MROH9: variants seen among roughly 807,000 people sequenced by gnomAD.
MROH9 encodes the protein maestro heat like repeat family member 9, also known as maestro heat-like repeat-containing protein family member 9.
MROH9 carries 92 observed loss-of-function variants against 98.2 expected under a neutral mutation model. The observed-to-expected ratio is 0.94, with a 90% CI of 0.79 to 1.11. The LOEUF is 1.11. MROH9 is among the 50% of genes most tolerant of loss of function. The pLI is 0.00. For missense variants in MROH9, 1,057 were observed against 1,014.8 expected (o/e 1.04, Z -0.57); for synonymous variants, 397 against 368.9 (o/e 1.08, Z -0.87).
chr1:171,028,831 A>G (rs916807114), intron 20 of MROH9, among the ~76,000 whole-genome samples: 3 of 152,162 alleles, frequency 2.0e-5, no homozygotes, highest in Non-Finnish European at 4.4e-5. Flanking sequence ...CTGTGTGTCT[A>G]TCATTGGTGT....
At chr1:170,986,106 C>T (rs16863903) in intron 9 of MROH9, among the ~76,000 whole-genome samples, 4,001 of 152,216 alleles carry the variant, frequency 0.026, 197 homozygotes, top group African/African-American at 0.091. Context: ...AGTTCTTGCA[C>T]CTTGATCATG....
intron 3 of MROH9, among the ~76,000 whole-genome samples, chr1:170,952,535 G>A (rs1011040125): frequency 4.4e-4 from 65 of 148,398 alleles, no homozygotes; most frequent in Middle Eastern, 3.5e-3. Context: ...TCACTCATAG[G>A]TGGGAATTGA....
chr1:170,971,641 G>A lies in MROH9; in HGVS notation c.481-107G>A, dbSNP rs571328719. ...GATTACAGATATTGTAAACTCTGAA[G>A]CTTATCTTAGAATCCTAGTCTGATT... On this transcript the variant is annotated intron_variant, in intron 7 of 21. Transcript: ENST00000367759. The A allele has an allele frequency of 6.2e-6, 8 of 1,287,006 alleles. No homozygotes were observed. The South Asian group carries it at 1.1e-4, about 18-fold the overall frequency. 79.7% of individuals were successfully genotyped at this position (1,287,006 alleles called of 1,614,324 possible). A position where few individuals can be genotyped will look rare whatever the true frequency, so the allele number is the denominator to read the frequency against.
At position 170,970,731 on chromosome 1, in the gene MROH9, T is replaced by TGAGAGAGAGA. The variant is rs1199063303; in HGVS notation, c.481-988_481-979dup. 4.6e-3 allele frequency among the ~76,000 whole-genome samples: 422 copies of TGAGAGAGAGA among 90,812 alleles called. 1 individual carries two copies. The highest frequency in any genetic ancestry group is 0.011 in the African/African-American group (260 of 23,132). 59.6% of individuals were successfully genotyped at this position (90,812 alleles called of 152,430 possible). The stretch of plus-strand genomic sequence containing the variant: ...GTGTGTGTGTGTGTGTGTGTGTGTG[T>TGAGAGAGAGA]GAGAGAGAGAGAGAGAGAGAGAGAG... On this transcript the variant is annotated intron_variant, in intron 7 of 21. Coordinates refer to ENST00000367759, the MANE Select transcript of MROH9 (RefSeq NM_001163629.2).
At position 170,992,254 on chromosome 1, in the gene MROH9, G is replaced by T. The variant is rs1651385276; in HGVS notation, c.1119G>T (p.Lys373Asn). The stretch of plus-strand genomic sequence containing the variant: ...CAATCTTATTGATACTGAAAGGAAA[G>T]CCTGGGGAAATGGAGGACACCGTAA... The part of the protein sequence containing the change: ...LKTILLILKG[K>N]PGEMEDTVTE... Residue 373 changes from lysine (K) to asparagine (N), a missense_variant, in exon 12 of 22, where the codon AAG becomes AAT. Physicochemically the swap from Lys to Asn is moderately conservative, Grantham distance 94 (BLOSUM62 0). Coordinates refer to ENST00000367759, the MANE Select transcript of MROH9 (RefSeq NM_001163629.2). 6.2e-7 allele frequency: 1 copy of T among 1,613,610 alleles called. No homozygotes were observed. The highest frequency in any genetic ancestry group is 8.5e-7 in the Non-Finnish European group (1 of 1,179,706).
chr1:170,998,273 A>C lies in MROH9; in HGVS notation c.1595A>C (p.Glu532Ala), dbSNP rs772188767. 3 of 1,613,330 alleles carry C rather than the reference A, an allele frequency of 1.9e-6. No homozygotes were observed. Among genetic ancestry groups the C allele is most frequent in the Middle Eastern group, 1.6e-4 (1 of 6,074 alleles). Residue 532 changes from glutamate (E) to alanine (A), a missense_variant and splice_region_variant, in exon 15 of 22, where the codon GAA (glutamate) becomes GCA (alanine). Transcript: ENST00000367759. ...DTVIVLIFLT[E>A]LLNNFFKDPL... Reference sequence around the variant, plus strand: ...GTCATCGTATTAATATTCCTCACTGAAGTGAGTTTTGTAGACTGTGAACAG... The same window carrying C: ...GTCATCGTATTAATATTCCTCACTGCAGTGAGTTTTGTAGACTGTGAACAG...
intron 15 of MROH9, among the ~76,000 whole-genome samples, chr1:171,002,385 A>G (rs1651811596): frequency 1.3e-5 from 2 of 152,042 alleles, no homozygotes; most frequent in Admixed American, 1.3e-4. Context: ...TTCTGTTTTC[A>G]TGTGTTTCCA....
At chr1:170,998,768 A>T in intron 15 of MROH9, 1 of 976,426 alleles carries the variant, frequency 1.0e-6, no homozygotes, top group African/African-American at 1.7e-5. Flanking sequence ...AAATTGACAA[A>T]CTTTTGTTTA....
chr1:171,059,844 A>G (rs1653959451), intron 20 of MROH9, among the ~76,000 whole-genome samples: 1 of 152,188 alleles, frequency 6.6e-6, no homozygotes, highest in Non-Finnish European at 1.5e-5. Flanking sequence ...ACACATGGAC[A>G]CAGGGAGGGG....
Position 171,064,510 on chromosome 1 carries a change from C to CT in MROH9, c.*171dup. 1.7e-6 allele frequency: 1 copy of CT among 596,054 alleles called. No individual in the cohort carries two copies. Among genetic ancestry groups the CT allele is most frequent in the Non-Finnish European group, 2.7e-6 (1 of 365,294 alleles). 36.9% of individuals were successfully genotyped at this position (596,054 alleles called of 1,614,324 possible). ...GCTTTTACTGTTACTTCTTAATTCT[C>CT]TATTCAAATATAGAAATCTGAGAGA... On this transcript the variant is annotated 3_prime_UTR_variant, in exon 22 of 22. Transcript: ENST00000367759.
chr1:171,045,376 T>C (rs1252990049), intron 20 of MROH9, among the ~76,000 whole-genome samples: 1 of 152,100 alleles, frequency 6.6e-6, no homozygotes, highest in African/African-American at 2.4e-5. Flanking sequence ...TTCTTTAAGA[T>C]ACATCATTAG....
At chr1:171,015,139 T>G in intron 16 of MROH9, 2 of 453,030 alleles carry the variant, frequency 4.4e-6, no homozygotes, top group Admixed American at 4.8e-5. Flanking sequence ...TCGTTGTTTA[T>G]CTAATGAGCA....
Position 171,024,754 on chromosome 1 carries a change from T to G in MROH9, c.2167T>G (p.Cys723Gly), listed in dbSNP as rs998087205. Residue 723 changes from cysteine (C) to glycine (G), a missense_variant, in exon 19 of 22, where the codon TGT becomes GGT. By Grantham distance (159) the Cys-to-Gly change is radical. Coordinates refer to ENST00000367759, the MANE Select transcript of MROH9 (RefSeq NM_001163629.2). ...TTTTGAGATGGTGGTGCTCAATATC[T>G]GTAACAATCTTGTAAGTGGCCCTTC... ...YSFEMVVLNI[C>G]NNLIISHRNY... 12 of 1,542,628 alleles carry G rather than the reference T, an allele frequency of 7.8e-6. No homozygotes were observed. The African/African-American group carries it at 1.6e-4, about 21-fold the overall frequency.
intron 20 of MROH9, 41 bp from the exon 21 acceptor site, chr1:171,062,091 A>C: frequency 8.0e-7 from 1 of 1,247,952 alleles, no homozygotes. Context: ...GTATTTTCAT[A>C]ATGCATGTTG....
chr1:171,028,781 G>A (rs367996900), intron 20 of MROH9, among the ~76,000 whole-genome samples: 4 of 152,020 alleles, frequency 2.6e-5, no homozygotes, highest in African/African-American at 7.3e-5. Flanking sequence ...TATTTTCTTC[G>A]TAGCGATTAT....
At chr1:171,008,124 A>G (rs905699708) in intron 15 of MROH9, among the ~76,000 whole-genome samples, 2 of 152,138 alleles carry the variant, frequency 1.3e-5, no homozygotes, top group African/African-American at 4.8e-5. Context: ...AAATGCTTCT[A>G]TTTCACTATT....
intron 17 of MROH9, among the ~76,000 whole-genome samples, chr1:171,021,750 A>C (rs1652526763): frequency 6.6e-6 from 1 of 152,210 alleles, no homozygotes; most frequent in Non-Finnish European, 1.5e-5. Flanking sequence ...AAATTGACAA[A>C]TAGGATCTAA....
At chr1:170,983,618 G>T in intron 9 of MROH9, 84 bp downstream of exon 9, 1 of 816,690 alleles carries the variant, frequency 1.2e-6, no homozygotes, top group Non-Finnish European at 2.0e-6. Context: ...CAAAGTTTAT[G>T]TCGTTAGTAT....
intron 19 of MROH9, 42 bp from the exon 20 acceptor site, chr1:171,025,276 T>G: frequency 8.0e-7 from 1 of 1,247,284 alleles, no homozygotes; most frequent in Non-Finnish European, 1.1e-6. Context: ...ATGTTCTATT[T>G]CAGCAATCGA....
Sources: gnomAD v4.1 joint callset for allele counts (sites outside exome capture counted in the v4.1 genomes callset) on GRCh38, gnomAD v4.1.1 for gene constraint, MANE v1.5 for transcripts, NCBI Gene and HGNC (gene_info 2026-07-23, HGNC 2026-07-21) for gene names.